LRBA: variants seen among roughly 807,000 people sequenced by gnomAD.
The protein encoded by LRBA is lipopolysaccharide-responsive and beige-like anchor protein.
A neutral mutation model predicts 330.0 loss-of-function variants in LRBA; 176 were observed. That is an observed-to-expected ratio of 0.53 (90% CI 0.47 to 0.60). The LOEUF is 0.60. Ranked by LOEUF, LRBA falls within the 20% of genes least tolerant of loss-of-function variation. The probability of loss-of-function intolerance (pLI) is 0.00; values close to 1 mark genes in which losing one functional copy is unlikely to be tolerated. For missense variants in LRBA, 3,259 were observed against 3,444.8 expected (o/e 0.95, Z 1.35); for synonymous variants, 1,230 against 1,193.0 (o/e 1.03, Z -0.64).
At chr4:150,957,395 T>G (rs1737649388) in intron 2 of LRBA, among the ~76,000 whole-genome samples, 1 of 148,312 alleles carries the variant, frequency 6.7e-6, no homozygotes. Context: ...TTATTCACTA[T>G]CAAGAGAACA....
At chr4:150,839,087 A>G (rs1560894995) in intron 28 of LRBA, among the ~76,000 whole-genome samples, 1 of 152,246 alleles carries the variant, frequency 6.6e-6, no homozygotes, top group Non-Finnish European at 1.5e-5. Context: ...GGAGATGAAC[A>G]GACAATTCTC....
chr4:150,504,888 A>G, intron 40 of LRBA, among the ~76,000 whole-genome samples: 1 of 152,210 alleles, frequency 6.6e-6, no homozygotes, highest in Admixed American at 6.5e-5. Flanking sequence ...AAGATCTACC[A>G]AGCAAATGGA....
At chr4:150,825,615 C>T (rs1049129099) in intron 30 of LRBA, among the ~76,000 whole-genome samples, 3 of 152,072 alleles carry the variant, frequency 2.0e-5, no homozygotes, top group African/African-American at 7.2e-5. Context: ...ATGATCCACC[C>T]GCCTCAGCCT....
chr4:150,528,943 G>A (rs988342945), intron 40 of LRBA, among the ~76,000 whole-genome samples: 2 of 152,094 alleles, frequency 1.3e-5, no homozygotes, highest in African/African-American at 4.8e-5. Flanking sequence ...ATGTGTGCTT[G>A]TTTTTCATTT....
intron 53 of LRBA, among the ~76,000 whole-genome samples, chr4:150,291,311 G>T (rs564192985): frequency 1.1e-5 from 1 of 93,654 alleles, no homozygotes; most frequent in African/African-American, 4.3e-5. Flanking sequence ...GAAAATTTTC[G>T]CAACCTACTC....
At chr4:150,971,632 G>C (rs1579363527) in intron 2 of LRBA, among the ~76,000 whole-genome samples, 1 of 152,144 alleles carries the variant, frequency 6.6e-6, no homozygotes. Context: ...TTTCAGTACA[G>C]AGTACTTAGA....
rs1331193614 is a variant in LRBA at position 150,286,032 on chromosome 4, C to T, written c.8020G>A (p.Glu2674Lys). Reference sequence around the variant, plus strand: ...AAAATGGCCCGAGGAGCAGCAGTCTCACCTTTAGGAAAAAACAGATAAAAA... The same window carrying T: ...AAAATGGCCCGAGGAGCAGCAGTCTTACCTTTAGGAAAAAACAGATAAAAA... ...CSGIGDNPGS[E>K]TAAPRAILTG... Residue 2674 changes from glutamate to lysine, a missense_variant and splice_region_variant, in exon 54 of 57, where the codon GAG becomes AAG. By Grantham distance (56) the Glu-to-Lys change is moderately conservative. Transcript: ENST00000651943. The T allele has an allele frequency of 2.6e-6, 4 of 1,557,940 alleles. No individual in the cohort carries two copies. Among genetic ancestry groups the T allele is most frequent in the African/African-American group, 1.4e-5 (1 of 73,478 alleles).
At chr4:150,850,636 G>T in intron 24 of LRBA, 88 bp downstream of exon 24, 2 of 776,936 alleles carry the variant, frequency 2.6e-6, no homozygotes, top group South Asian at 2.8e-5. Context: ...CCAAATGTCT[G>T]AAATTAATTA....
At chr4:150,868,014 G>T (rs1468180072) in intron 21 of LRBA, 151 bp from the exon 22 acceptor site, 12 of 889,764 alleles carry the variant, frequency 1.3e-5, no homozygotes, top group Non-Finnish European at 1.8e-5. Context: ...CGACAATGTG[G>T]TACTAAAAAT....
rs914950928 is a variant in LRBA at position 150,356,677 on chromosome 4, TA to T, written c.7195-6519del. Among the ~76,000 whole-genome samples the T allele has an allele frequency of 4.6e-5, 7 of 151,716 alleles. No individual in the cohort carries two copies. The South Asian group carries it at 1.0e-3, about 23-fold the overall frequency. On this transcript the variant is annotated intron_variant, in intron 47 of 56. Transcript: ENST00000651943. ...TGACAAATTCACATCAATCCTCATT[TA>T]AAAAAAATGCATCAATTTCACTAAT...
rs186925907 is a variant in LRBA, at chr4:150,921,933, T to G, written c.550-640A>C. Among the ~76,000 whole-genome samples, 349 of 152,088 alleles carry G rather than the reference T, an allele frequency of 2.3e-3. 7 individuals carry two copies. The highest frequency in any genetic ancestry group is 1.4e-3 in the East Asian group (7 of 5,176). ...TAGAGACGGGGTTTCTCCATGTTGGTCAGGCTGGTCTCGAACCAACCTCAG... is the reference window on the plus strand; with the variant it reads ...TAGAGACGGGGTTTCTCCATGTTGGGCAGGCTGGTCTCGAACCAACCTCAG... On this transcript the variant is annotated intron_variant, in intron 4 of 56. Transcript: ENST00000651943.
chr4:150,288,215 G>A lies in LRBA; in HGVS notation c.8018-2181C>T, dbSNP rs1026630493. Among the ~76,000 whole-genome samples the A allele has an allele frequency of 5.5e-4, 83 of 151,698 alleles. 1 individual carries two copies. The highest frequency in any genetic ancestry group is 1.9e-3 in the African/African-American group (80 of 41,426). ...ACCGTGGTCTCGATCTCCTGACCTC[G>A]TGATCCGCCTGCCTCGGCCTCCCAA... On this transcript the variant is annotated intron_variant, in intron 53 of 56. Coordinates refer to ENST00000651943, the MANE Select transcript of LRBA (RefSeq NM_001364905.1).
chr4:150,500,566 G>A (rs529981113), intron 40 of LRBA, among the ~76,000 whole-genome samples: 164 of 152,110 alleles, frequency 1.1e-3, no homozygotes, highest in African/African-American at 3.7e-3. Flanking sequence ...CAGCAAGAGC[G>A]AGACTCTGTC....
intron 37 of LRBA, among the ~76,000 whole-genome samples, chr4:150,646,083 A>C (rs1779111179): frequency 6.6e-6 from 1 of 151,920 alleles, no homozygotes; most frequent in African/African-American, 2.4e-5. Context: ...TATCTGGCCC[A>C]TTATAGAAAA....
chr4:150,724,043 T>C (rs1040598914), intron 36 of LRBA, among the ~76,000 whole-genome samples: 7 of 152,186 alleles, frequency 4.6e-5, no homozygotes, highest in African/African-American at 1.4e-4. Flanking sequence ...GACAGTAGAA[T>C]AGAATATCAG....
At chr4:150,858,470 T>C (rs964318257) in intron 22 of LRBA, among the ~76,000 whole-genome samples, 1 of 152,108 alleles carries the variant, frequency 6.6e-6, no homozygotes, top group African/African-American at 2.4e-5. Flanking sequence ...AAGAATTATT[T>C]AGCAATTAAA....
At chr4:150,323,832 A>G (rs1462102237) in intron 49 of LRBA, among the ~76,000 whole-genome samples, 1 of 152,206 alleles carries the variant, frequency 6.6e-6, no homozygotes, top group Non-Finnish European at 1.5e-5. Flanking sequence ...CAACTGGTAA[A>G]ACAGGGATAA....
intron 17 of LRBA, among the ~76,000 whole-genome samples, chr4:150,887,046 G>A (rs1729011036): frequency 6.6e-6 from 1 of 152,082 alleles, no homozygotes; most frequent in Admixed American, 6.5e-5. Flanking sequence ...ACCCTGATTT[G>A]AATATTATAT....
At chr4:150,326,690 A>C (rs999868676) in intron 48 of LRBA, among the ~76,000 whole-genome samples, 14 of 152,178 alleles carry the variant, frequency 9.2e-5, no homozygotes, top group African/African-American at 3.4e-4. Flanking sequence ...TTCCCAGTAA[A>C]ATACAAAAGC....
Sources: gnomAD v4.1 joint callset for allele counts (sites outside exome capture counted in the v4.1 genomes callset) on GRCh38, gnomAD v4.1.1 for gene constraint, MANE v1.5 for transcripts, NCBI Gene and HGNC (gene_info 2026-07-23, HGNC 2026-07-21) for gene names.